SNX29: variants seen among roughly 807,000 people sequenced by gnomAD.
The protein encoded by SNX29 is sorting nexin-29.
In SNX29, 78 loss-of-function variants were observed where a neutral mutation model predicts 102.1. The observed-to-expected ratio is 0.76, with a 90% CI of 0.64 to 0.92. The LOEUF is 0.92. Ranked by LOEUF, SNX29 falls within the 40% of genes least tolerant of loss-of-function variation. SNX29 has a pLI of 0.00. For synonymous variants in SNX29, 580 were observed against 414.5 expected, an observed-to-expected ratio of 1.40 and a Z score of -4.85; for missense variants, 1,280 against 1,061.7, an observed-to-expected ratio of 1.21 and a Z score of -2.86.
Position 12,572,434 on chromosome 16 carries a change from C to G in SNX29, c.*3805C>G, listed in dbSNP as rs1037522355. On this transcript the variant is annotated 3_prime_UTR_variant, in exon 21 of 21. Transcript: ENST00000566228. ...TGTGGCCCAGGCCGGCAGTGGCTGC[C>G]TCTCTTGGTTCTGCATGGTACATTT... is the stretch of plus-strand genomic sequence containing the variant. The G allele has an allele frequency of 9.4e-7, 1 of 1,063,504 alleles. No individual in the cohort carries two copies. Among genetic ancestry groups the G allele is most frequent in the Non-Finnish European group, 1.1e-6 (1 of 878,090 alleles). The allele number at this position is 1,063,504 out of a possible 1,614,324, so 65.9% of individuals were successfully genotyped here.
chr16:12,310,115 T>A (rs899382164), intron 15 of SNX29, among the ~76,000 whole-genome samples: 7 of 76,438 alleles, frequency 9.2e-5, no homozygotes. Context: ...CACATACACG[T>A]GCACGCACAC....
intron 11 of SNX29, among the ~76,000 whole-genome samples, chr16:12,085,588 A>T (rs2052132565): frequency 6.6e-6 from 1 of 152,190 alleles, no homozygotes; most frequent in South Asian, 2.1e-4. Flanking sequence ...CGGCCTCCCA[A>T]AGTGGTGGGA....
At position 12,570,044 on chromosome 16, in the gene SNX29, C is replaced by G. The variant is rs1469502282; in HGVS notation, c.*1415C>G. 1 of 481,944 alleles carries G rather than the reference C, an allele frequency of 2.1e-6. No homozygotes were observed. Among genetic ancestry groups the G allele is most frequent in the Non-Finnish European group, 2.9e-6 (1 of 346,372 alleles). The allele number at this position is 481,944 out of a possible 1,614,324, so 29.9% of individuals were successfully genotyped here. On this transcript the variant is annotated 3_prime_UTR_variant, in exon 21 of 21. Transcript: ENST00000566228. ...AGGTGAGCATGGAGCATCTCCTAGG[C>G]TCGAGGACATCTCTGGAGAATCATC...
chr16:12,087,980 C>T (rs1010287768), intron 11 of SNX29: 2 of 456,570 alleles, frequency 4.4e-6, no homozygotes, highest in African/African-American at 2.0e-5. Context: ...ATGGCTAGAC[C>T]CTGTGCAGGG....
intron 15 of SNX29, among the ~76,000 whole-genome samples, chr16:12,290,059 A>T (rs757615892): frequency 6.6e-6 from 1 of 152,124 alleles, no homozygotes; most frequent in Non-Finnish European, 1.5e-5. Flanking sequence ...GTTGCATTTA[A>T]TGCATGTAGA....
chr16:12,255,982 T>A (rs1025885017), intron 14 of SNX29, among the ~76,000 whole-genome samples: 1 of 152,236 alleles, frequency 6.6e-6, no homozygotes, highest in African/African-American at 2.4e-5. Context: ...TGTACTAATT[T>A]ACGTTCCTAC....
chr16:12,543,243 C>T (rs185207951), intron 20 of SNX29, among the ~76,000 whole-genome samples: 6 of 152,302 alleles, frequency 3.9e-5, no homozygotes, highest in East Asian at 1.9e-4. Context: ...TCTAGAGATT[C>T]TGAATGATGC....
intron 19 of SNX29, among the ~76,000 whole-genome samples, chr16:12,493,228 T>C (rs2151869017): frequency 6.6e-6 from 1 of 152,360 alleles, no homozygotes; most frequent in South Asian, 2.1e-4. Flanking sequence ...TGGTTTGTAG[T>C]TCTCCTTGAA....
At chr16:12,087,860 C>T (rs1179372794) in intron 11 of SNX29, 2 of 456,868 alleles carry the variant, frequency 4.4e-6, no homozygotes, top group Admixed American at 4.7e-5. Context: ...TGGGAAGCAG[C>T]AGTGTTTTGT....
chr16:12,503,122 G>T (rs1206257494), intron 19 of SNX29, among the ~76,000 whole-genome samples: 1 of 152,002 alleles, frequency 6.6e-6, no homozygotes, highest in Non-Finnish European at 1.5e-5. Flanking sequence ...CACCCCCAGG[G>T]TCGCCTCAAC....
chr16:11,977,024 G>T, intron 1 of SNX29: 6 of 516,436 alleles, frequency 1.2e-5, no homozygotes, highest in Non-Finnish European at 1.8e-5. Flanking sequence ...GGGCACTCCT[G>T]GTCTCCTGAC....
chr16:12,282,396 A>G (rs1164990135), intron 15 of SNX29, among the ~76,000 whole-genome samples: 1 of 152,210 alleles, frequency 6.6e-6, no homozygotes, highest in East Asian at 1.9e-4. Context: ...GTCTGTGCCA[A>G]GGATTACCTG....
chr16:12,249,508 C>G (rs2078360056), intron 14 of SNX29, among the ~76,000 whole-genome samples: 1 of 152,140 alleles, frequency 6.6e-6, no homozygotes, highest in South Asian at 2.1e-4. Flanking sequence ...GTGTGGATCC[C>G]AGGAGGTGGG....
At chr16:12,191,666 TAGGGTCAGAAG>T (rs1200768400) in intron 13 of SNX29, among the ~76,000 whole-genome samples, 2 of 152,180 alleles carry the variant, frequency 1.3e-5, no homozygotes, top group Non-Finnish European at 2.9e-5. Context: ...GGGTTGGAGT[TAGGGTCAGAAG>T]AGACTTAACA....
chr16:12,129,549 G>A, intron 12 of SNX29, 81 bp from the exon 13 acceptor site: 1 of 1,494,490 alleles, frequency 6.7e-7, no homozygotes, highest in Non-Finnish European at 9.0e-7. Flanking sequence ...CTTAGGACTT[G>A]ACTTATGTTA....
chr16:11,997,638 C>A (rs142548450), intron 1 of SNX29, among the ~76,000 whole-genome samples: 3 of 151,986 alleles, frequency 2.0e-5, no homozygotes, highest in African/African-American at 7.3e-5. Flanking sequence ...CCACCACGCC[C>A]GGCTAATTTT....
intron 20 of SNX29, among the ~76,000 whole-genome samples, chr16:12,544,904 AAT>A (rs1208199400): frequency 1.5e-4 from 23 of 152,316 alleles, no homozygotes; most frequent in African/African-American, 4.8e-4. Flanking sequence ...GCCAGTAATC[AAT>A]AGTCATTAGA....
At chr16:12,455,720 C>T (rs1485082206) in intron 18 of SNX29, among the ~76,000 whole-genome samples, 2 of 152,218 alleles carry the variant, frequency 1.3e-5, no homozygotes, top group East Asian at 1.9e-4. Flanking sequence ...CTTGCATATG[C>T]AGACCTTGGT....
At chr16:12,558,278 G>C (rs1014384387) in intron 20 of SNX29, among the ~76,000 whole-genome samples, 4 of 152,092 alleles carry the variant, frequency 2.6e-5, no homozygotes, top group Non-Finnish European at 5.9e-5. Flanking sequence ...GTCAGGCTGA[G>C]CCAGCTCTGA....
Sources: gnomAD v4.1 joint callset for allele counts (sites outside exome capture counted in the v4.1 genomes callset) on GRCh38, gnomAD v4.1.1 for gene constraint, MANE v1.5 for transcripts, NCBI Gene and HGNC (gene_info 2026-07-23, HGNC 2026-07-21) for gene names.